Variants in LRRN4 observed in about 807,000 individuals in gnomAD.
The protein encoded by LRRN4 is leucine-rich repeat neuronal protein 4.
A neutral mutation model predicts 22.3 loss-of-function variants in LRRN4; 26 were observed. The observed-to-expected ratio is 1.16, with a 90% CI of 0.85 to 1.62. LRRN4 has a LOEUF of 1.62. Among genes scored for constraint, LRRN4 ranks in the 40% most tolerant of loss-of-function variants. LRRN4 has a pLI of 0.00. For synonymous variants in LRRN4, 496 were observed against 486.2 expected (o/e 1.02, Z -0.26); for missense variants, 1,070 against 1,008.5 (o/e 1.06, Z -0.83).
intron 3 of LRRN4, among the ~76,000 whole-genome samples, chr20:6,047,630 C>CAAA (rs58451358): frequency 0.12 from 17,502 of 141,100 alleles, 1,082 homozygotes; most frequent in Middle Eastern, 0.22. Context: ...ACTAAAAATA[C>CAAA]AAAAAAAAAA....
At chr20:6,049,201 T>C (rs1175585331) in intron 3 of LRRN4, among the ~76,000 whole-genome samples, 1 of 152,178 alleles carries the variant, frequency 6.6e-6, no homozygotes, top group Non-Finnish European at 1.5e-5. Flanking sequence ...CCTTTTGAGA[T>C]ATGGACCAAT....
At position 6,041,571 on chromosome 20, in the gene LRRN4, C is replaced by T; in HGVS notation, c.1674G>A (p.Pro558=). 2 of 1,558,420 alleles carry T rather than the reference C, an allele frequency of 1.3e-6. No individual in the cohort carries two copies. The highest frequency in any genetic ancestry group is 1.7e-6 in the Non-Finnish European group (2 of 1,150,292). The part of the protein sequence containing the change: ...DYHPCKHLQT[P]CAELQRRWRC... Reference sequence around the variant, plus strand: ...GCCACCGCCTCTGCAGCTCCGCGCACGGGGTCTGCAGGTGCTTGCAGGGAT... The same window carrying T: ...GCCACCGCCTCTGCAGCTCCGCGCATGGGGTCTGCAGGTGCTTGCAGGGAT... Residue 558 remains proline (P), a synonymous_variant, in exon 5 of 5, where the codon CCG becomes CCA. Transcript: ENST00000378858. This position sits in a 1 kb window ranked among gnomAD's most constrained non-coding sequence, Gnocchi z 9.4.
Position 6,040,934 on chromosome 20 carries a change from G to A in LRRN4, c.*88C>T. ...GGCTTCACGGGAATTAGAAACCCTA[G>A]GAGCGGATGGGGTCGTTTTTGACCG... On this transcript the variant is annotated 3_prime_UTR_variant, in exon 5 of 5. Coordinates refer to ENST00000378858, the MANE Select transcript of LRRN4 (RefSeq NM_152611.5). 6.5e-7 allele frequency: 1 copy of A among 1,544,520 alleles called. No individual in the cohort carries two copies. The highest frequency in any genetic ancestry group is 8.8e-7 in the Non-Finnish European group (1 of 1,141,344).
Position 6,041,099 on chromosome 20 carries a change from G to A in LRRN4, c.2146C>T (p.Arg716Cys), listed in dbSNP as rs756574056. The A allele has an allele frequency of 6.2e-7, 1 of 1,613,124 alleles. No individual in the cohort carries two copies. The highest frequency in any genetic ancestry group is 8.5e-7 in the Non-Finnish European group (1 of 1,179,604). Residue 716 changes from arginine to cysteine, a missense_variant, in exon 5 of 5, where the codon CGC becomes TGC. Coordinates refer to ENST00000378858, the MANE Select transcript of LRRN4 (RefSeq NM_152611.5). The surrounding 1 kb of genome is among the most constrained non-coding windows in gnomAD (Gnocchi z 9.4). ...TAGGCCACCAGGTGCGTGTCGCAGC[G>A]CTGCAGGCCCAGCGTCTGGCCCCGC... Reference protein sequence around the residue: ...CRRGQTLGLQRCDTHLVAYKN... With the variant: ...CRRGQTLGLQCCDTHLVAYKN...
At position 6,044,552 on chromosome 20, in the gene LRRN4, A is replaced by G. The variant is rs1229892251; in HGVS notation, c.989T>C (p.Val330Ala). Reference protein sequence around the residue: ...SWLLTDAKRTVLSRAADTMCA... With the variant: ...SWLLTDAKRTALSRAADTMCA... ...TTTGTAAATGTGTTACCTGCTTAGG[A>G]CAGTTCTCTTTGCATCCGTGAGGAG... Residue 330 changes from valine to alanine, a missense_variant, in exon 4 of 5, where the codon GTC (valine) becomes GCC (alanine). Val to Ala is a moderately conservative substitution (Grantham distance 64). Transcript: ENST00000378858. The G allele has an allele frequency of 3.2e-6, 5 of 1,578,748 alleles. No homozygotes were observed. Among genetic ancestry groups the G allele is most frequent in the South Asian group, 1.2e-5 (1 of 82,608 alleles).
chr20:6,051,513 G>C (rs1232696969), intron 2 of LRRN4, among the ~76,000 whole-genome samples: 1 of 152,186 alleles, frequency 6.6e-6, no homozygotes, highest in African/African-American at 2.4e-5. Flanking sequence ...GAAACAGGTG[G>C]TTGTAGACAC....
intron 3 of LRRN4, among the ~76,000 whole-genome samples, chr20:6,046,980 T>C: frequency 6.6e-6 from 1 of 152,188 alleles, no homozygotes; most frequent in East Asian, 1.9e-4. Flanking sequence ...TTTTTTTCTT[T>C]GAGTAACACC....
At position 6,052,371 on chromosome 20, in the gene LRRN4, G is replaced by C. The variant is rs1364272807; in HGVS notation, c.429C>G (p.Pro143=). The part of the protein sequence containing the change: ...QLAALPPCTG[P]ALSSLRALAL... ...CCAGGGCGCGGAGGCTGCTCAGCGC[G>C]GGCCCGGTGCACGGCGGCAGAGCGG... The change falls in exon 2 of 5, where the codon CCC becomes CCG. Residue 143 remains proline (P), a synonymous_variant. Transcript: ENST00000378858. The C allele has an allele frequency of 1.3e-6, 2 of 1,518,970 alleles. No homozygotes were observed. Among genetic ancestry groups the C allele is most frequent in the Non-Finnish European group, 1.8e-6 (2 of 1,142,584 alleles). The allele number at this position is 1,518,970 out of a possible 1,614,324, so 94.1% of individuals were successfully genotyped here.
At chr20:6,049,538 T>C (rs1387294755) in intron 3 of LRRN4, among the ~76,000 whole-genome samples, 1 of 152,114 alleles carries the variant, frequency 6.6e-6, no homozygotes, top group African/African-American at 2.4e-5. Flanking sequence ...TTCATTCTTG[T>C]TGCCCAGGCT....
At position 6,051,326 on chromosome 20, in the gene LRRN4, A is replaced by G. The variant is rs1981240206; in HGVS notation, c.656-343T>C. ...TCCACCTTCTCATTAAAGTCCACAC[A>G]GAAAATAACCAGACTTTGCTCTGAT... On this transcript the variant is annotated intron_variant, in intron 2 of 4. Coordinates refer to ENST00000378858, the MANE Select transcript of LRRN4 (RefSeq NM_152611.5). Among the ~76,000 whole-genome samples, 3 of 152,354 alleles carry G rather than the reference A, an allele frequency of 2.0e-5. No individual in the cohort carries two copies. In the South Asian group the frequency reaches 6.2e-4, roughly 32 times the overall value.
Position 6,040,979 on chromosome 20 carries a change from G to T in LRRN4, c.*43C>A. ...TGACCGTCTGTGTCTTCCTTTTTGC[G>T]CTCAGATCCAGTTCGATGAGACGCG... On this transcript the variant is annotated 3_prime_UTR_variant, in exon 5 of 5. Transcript: ENST00000378858. 1.2e-6 allele frequency: 2 copies of T among 1,605,362 alleles called. No individual in the cohort carries two copies. The highest frequency in any genetic ancestry group is 1.7e-5 in the Admixed American group (1 of 58,080).
At chr20:6,046,396 C>T (rs890135227) in intron 3 of LRRN4, among the ~76,000 whole-genome samples, 1 of 148,382 alleles carries the variant, frequency 6.7e-6, no homozygotes, top group African/African-American at 2.4e-5. Flanking sequence ...ATTACTGAGG[C>T]CATTTTTGCA....
Position 6,052,748 on chromosome 20 carries a change from C to T in LRRN4, c.52G>A (p.Ala18Thr). The T allele has an allele frequency of 6.4e-7, 1 of 1,573,334 alleles. No homozygotes were observed. ...GGGACCTTCTCCTGGGGAGGGTCTGCCCAGCTGGGGCGCAGCACCGTCAGC... is the reference window on the plus strand; with the variant it reads ...GGGACCTTCTCCTGGGGAGGGTCTGTCCAGCTGGGGCGCAGCACCGTCAGC... ...LLLTVLRPSW[A>T]DPPQEKVPLF... Residue 18 changes from alanine (A) to threonine (T), a missense_variant, in exon 2 of 5, where the codon GCA (alanine) becomes ACA (threonine). Coordinates refer to ENST00000378858, the MANE Select transcript of LRRN4 (RefSeq NM_152611.5).
chr20:6,044,619 GGTT>G lies in LRRN4; in HGVS notation c.919_921del (p.Asn307del). The G allele has an allele frequency of 6.3e-7, 1 of 1,597,624 alleles. No individual in the cohort carries two copies. Among genetic ancestry groups the G allele is most frequent in the Non-Finnish European group, 8.5e-7 (1 of 1,172,058 alleles). On this transcript the variant is annotated inframe_deletion, in exon 4 of 5. Transcript: ENST00000378858. ...CTGCAAGTGAGGGGGTTGCCAAAGA[GGTT>G]GATCGATAGGACCTGGGAGGAATCC...
At position 6,041,957 on chromosome 20, in the gene LRRN4, C is replaced by T; in HGVS notation, c.1288G>A (p.Ala430Thr). Residue 430 changes from alanine to threonine, a missense_variant, in exon 5 of 5, where the codon GCC (alanine) becomes ACC (threonine). Coordinates refer to ENST00000378858, the MANE Select transcript of LRRN4 (RefSeq NM_152611.5). The surrounding 1 kb of genome is among the most constrained non-coding windows in gnomAD (Gnocchi z 9.4). ...WPHSDAREGT[A>T]PSTTNSVAGH... ...GCTACAGAGTTGGTCGTGGAGGGGG[C>T]AGTCCCCTCCCGTGCATCGCTGTGC... 1 of 1,614,072 alleles carries T rather than the reference C, an allele frequency of 6.2e-7. No individual in the cohort carries two copies. Among genetic ancestry groups the T allele is most frequent in the Non-Finnish European group, 8.5e-7 (1 of 1,180,018 alleles).
rs2123049164 is a variant in LRRN4, at chr20:6,041,287, G to T, written c.1958C>A (p.Ala653Glu). 2 of 1,592,194 alleles carry T rather than the reference G, an allele frequency of 1.3e-6. No homozygotes were observed. Among genetic ancestry groups the T allele is most frequent in the South Asian group, 2.2e-5 (2 of 89,898 alleles). Residue 653 changes from alanine to glutamate, a missense_variant, in exon 5 of 5, where the codon GCG becomes GAG. Ala to Glu is a moderately radical substitution (Grantham distance 107, BLOSUM62 -1). Coordinates refer to ENST00000378858, the MANE Select transcript of LRRN4 (RefSeq NM_152611.5). The surrounding 1 kb of genome is among the most constrained non-coding windows in gnomAD (Gnocchi z 9.4). ...PGTTYRVCVL[A>E]ANRAGLSQPR... ...CTGGCTCAAGCCCGCCCTGTTGGCCGCCAGCACGCACACGCGGTAGGTGGT... is the reference window on the plus strand; with the variant it reads ...CTGGCTCAAGCCCGCCCTGTTGGCCTCCAGCACGCACACGCGGTAGGTGGT...
At chr20:6,051,079 G>A (rs1981232741) in intron 2 of LRRN4, 96 bp from the exon 3 acceptor site, 1 of 1,053,894 alleles carries the variant, frequency 9.5e-7, no homozygotes, top group African/African-American at 1.6e-5. Context: ...CAAGGTGAAT[G>A]GTGAAGGTCA....
intron 2 of LRRN4, among the ~76,000 whole-genome samples, chr20:6,051,544 T>C (rs549770957): frequency 2.6e-5 from 4 of 152,270 alleles, no homozygotes; most frequent in African/African-American, 9.6e-5. Flanking sequence ...TTTTAAAAAA[T>C]AGTAAAACCG....
chr20:6,052,826 G>A, intron 1 of LRRN4, 22 bp from the exon 2 acceptor site: 1 of 1,534,682 alleles, frequency 6.5e-7, no homozygotes, highest in Non-Finnish European at 8.7e-7. Context: ...ACAGCAGGAC[G>A]CCCATCAAAT....
Sources: gnomAD v4.1 joint callset for allele counts (sites outside exome capture counted in the v4.1 genomes callset) on GRCh38, gnomAD v4.1.1 for gene constraint, Gnocchi (gnomAD v3.1) non-coding constraint, MANE v1.5 for transcripts, NCBI Gene and HGNC (gene_info 2026-07-23, HGNC 2026-07-21) for gene names.